Variants in EGFLAM observed in about 807,000 individuals in gnomAD.
EGFLAM encodes pikachurin.
EGFLAM carries 79 observed loss-of-function variants against 113.1 expected under a neutral mutation model. The observed-to-expected ratio is 0.70, with a 90% CI of 0.58 to 0.84. The LOEUF is 0.84. Among genes scored for constraint, EGFLAM ranks in the 40% least tolerant of loss-of-function variants. The pLI, the probability that EGFLAM is intolerant of heterozygous loss-of-function variation, is 0.00. For missense variants in EGFLAM, 1,265 were observed against 1,291.6 expected, an observed-to-expected ratio of 0.98 and a Z score of 0.32; for synonymous variants, 504 against 487.6, an observed-to-expected ratio of 1.03 and a Z score of -0.44.
rs577016790 is a variant in EGFLAM, at chr5:38,411,121, A to G, written c.1350-1383A>G. Among the ~76,000 whole-genome samples, 3 of 152,282 alleles carry G rather than the reference A, an allele frequency of 2.0e-5. No homozygotes were observed. In the South Asian group the frequency reaches 6.2e-4, roughly 32 times the overall value. On this transcript the variant is annotated intron_variant, in intron 10 of 21. Coordinates refer to ENST00000322350, the MANE Select transcript of EGFLAM (RefSeq NM_152403.4). ...AAATTGCTTCCGAGCAGAAGTGATC[A>G]TGTACTTCCAGTCAAAAGAAAATGG...
intron 1 of EGFLAM, chr5:38,285,864 C>T (rs1394862245): frequency 6.6e-6 from 1 of 152,128 alleles, no homozygotes; most frequent in African/African-American, 2.4e-5. Context: ...ATTGGGGCAC[C>T]TGCCCCCATG....
intron 1 of EGFLAM, among the ~76,000 whole-genome samples, chr5:38,330,656 A>C (rs1237058795): frequency 6.6e-6 from 1 of 152,232 alleles, no homozygotes; most frequent in African/African-American, 2.4e-5. Flanking sequence ...TTCCCCTGTT[A>C]GTGACCCAAG....
rs200502241 is a variant in EGFLAM at position 38,370,306 on chromosome 5, G to A, written c.556G>A (p.Asp186Asn). 1.4e-4 allele frequency: 226 copies of A among 1,613,052 alleles called. No individual in the cohort carries two copies. The highest frequency in any genetic ancestry group is 1.5e-4 in the Non-Finnish European group (172 of 1,179,294). ...TTCTAATCAATAAAGGCCAGATTTC[G>A]ACAAGAAGTGGACCTCAATCCATGA... Reference protein sequence around the residue: ...YSVEFIRPDFDKKWTSIHERI... With the variant: ...YSVEFIRPDFNKKWTSIHERI... The change falls in exon 6 of 22, where the codon GAC (aspartate) becomes AAC (asparagine). Residue 186 changes from aspartate to asparagine, a missense_variant. By Grantham distance (23) the Asp-to-Asn change is conservative. Transcript: ENST00000322350.
intron 6 of EGFLAM, among the ~76,000 whole-genome samples, chr5:38,372,052 T>C (rs1740236594): frequency 6.6e-6 from 1 of 151,966 alleles, no homozygotes; most frequent in South Asian, 2.1e-4. Context: ...AGAATAAAGA[T>C]GAGATATAAC....
In EGFLAM at chr5:38,370,371, T is replaced by C. The variant is rs1740172787; in HGVS notation, c.621T>C (p.Asp207=). 1.1e-5 allele frequency: 18 copies of C among 1,614,200 alleles called. No individual in the cohort carries two copies. Among genetic ancestry groups the C allele is most frequent in the Non-Finnish European group, 1.4e-5 (17 of 1,180,034 alleles). ...ACTCCATGGTTATCAAGGGCCTCGATCCAGATACCAACTACCAGTTTGCCG... is the reference window on the plus strand; with the variant it reads ...ACTCCATGGTTATCAAGGGCCTCGACCCAGATACCAACTACCAGTTTGCCG... ...QMDSMVIKGL[D]PDTNYQFAVR... is the part of the protein sequence containing the mutation. The change falls in exon 6 of 22, where the codon GAT becomes GAC. Residue 207 remains aspartate (D), a synonymous_variant. Transcript: ENST00000322350.
chr5:38,349,933 G>A (rs1299642401), intron 3 of EGFLAM, among the ~76,000 whole-genome samples: 1 of 146,592 alleles, frequency 6.8e-6, no homozygotes, highest in African/African-American at 2.6e-5. Flanking sequence ...CCTGCTCAGG[G>A]CCGTTTGTGC....
At chr5:38,342,503 A>G (rs1261095138) in intron 3 of EGFLAM, among the ~76,000 whole-genome samples, 1 of 152,210 alleles carries the variant, frequency 6.6e-6, no homozygotes, top group African/African-American at 2.4e-5. Context: ...ATCTGATTTA[A>G]CTGATAAAAT....
At chr5:38,402,804 G>T (rs1741158436) in intron 6 of EGFLAM, among the ~76,000 whole-genome samples, 1 of 152,164 alleles carries the variant, frequency 6.6e-6, no homozygotes, top group African/African-American at 2.4e-5. Flanking sequence ...GAAAAAAGGA[G>T]CTGTTTTAAT....
intron 1 of EGFLAM, among the ~76,000 whole-genome samples, chr5:38,304,170 G>A (rs957480096): frequency 1.3e-5 from 2 of 151,362 alleles, no homozygotes; most frequent in African/African-American, 4.9e-5. Flanking sequence ...TCTAAAGCTA[G>A]CATTAAGGAA....
chr5:38,372,714 A>G (rs998199518), intron 6 of EGFLAM, among the ~76,000 whole-genome samples: 1 of 152,226 alleles, frequency 6.6e-6, no homozygotes, highest in Non-Finnish European at 1.5e-5. Flanking sequence ...ACATTCTTAA[A>G]TAGACATAAT....
chr5:38,332,144 C>A (rs778774585), intron 1 of EGFLAM, among the ~76,000 whole-genome samples: 11 of 152,126 alleles, frequency 7.2e-5, no homozygotes, highest in Non-Finnish European at 1.3e-4. Context: ...GATGGTATCT[C>A]ATTGGTGTTA....
At chr5:38,361,843 A>G (rs1739931048) in intron 5 of EGFLAM, among the ~76,000 whole-genome samples, 1 of 152,090 alleles carries the variant, frequency 6.6e-6, no homozygotes, top group South Asian at 2.1e-4. Flanking sequence ...TGGCTACCTC[A>G]GAAGAGTTGC....
chr5:38,404,456 C>T (rs1451083190), intron 6 of EGFLAM, among the ~76,000 whole-genome samples: 1 of 152,122 alleles, frequency 6.6e-6, no homozygotes, highest in Non-Finnish European at 1.5e-5. Context: ...TCACAGCCTG[C>T]AGAACTGTGA....
At chr5:38,290,241 A>C (rs554395478) in intron 1 of EGFLAM, among the ~76,000 whole-genome samples, 2 of 152,308 alleles carry the variant, frequency 1.3e-5, no homozygotes, top group South Asian at 2.1e-4. Flanking sequence ...AGCGCTCCGC[A>C]CTGTGGGCTA....
At chr5:38,263,925 G>A (rs915985527) in intron 1 of EGFLAM, among the ~76,000 whole-genome samples, 3 of 152,144 alleles carry the variant, frequency 2.0e-5, no homozygotes, top group Non-Finnish European at 4.4e-5. Flanking sequence ...AGCTTGGAAG[G>A]CTTGCTGTAG....
At chr5:38,429,585 A>G (rs1413470862) in intron 14 of EGFLAM, among the ~76,000 whole-genome samples, 1 of 152,260 alleles carries the variant, frequency 6.6e-6, no homozygotes, top group East Asian at 1.9e-4. Flanking sequence ...TAAAACTTGC[A>G]TAAATATCAT....
intron 12 of EGFLAM, among the ~76,000 whole-genome samples, chr5:38,421,098 TTCTCCA>T (rs1416455806): frequency 1.2e-4 from 19 of 152,306 alleles, no homozygotes; most frequent in African/African-American, 4.3e-4. Flanking sequence ...GAGGTCATGG[TTCTCCA>T]TCTGATATCT....
rs1361291322 is a variant in EGFLAM, at chr5:38,438,270, T to A, written c.2284-5T>A. On this transcript the variant is annotated splice_polypyrimidine_tract_variant and splice_region_variant and intron_variant, in intron 16 of 21. Transcript: ENST00000322350. Reference sequence around the variant, plus strand: ...CTGAATTTCTTTATGTTTTTCTCTCTCAAGATCATCCTGAATGACCGAACC... The same window carrying A: ...CTGAATTTCTTTATGTTTTTCTCTCACAAGATCATCCTGAATGACCGAACC... 1.9e-6 allele frequency: 3 copies of A among 1,610,002 alleles called. No individual in the cohort carries two copies. In the East Asian group the frequency reaches 6.7e-5, roughly 36 times the overall value.
intron 1 of EGFLAM, among the ~76,000 whole-genome samples, chr5:38,310,732 G>A (rs966409237): frequency 1.3e-5 from 2 of 152,162 alleles, no homozygotes; most frequent in African/African-American, 4.8e-5. Flanking sequence ...CATAACACAA[G>A]GTGGCAGATG....
Sources: allele counts gnomAD v4.1 joint callset (sites outside exome capture counted in the v4.1 genomes callset), GRCh38; gene constraint gnomAD v4.1.1; transcripts MANE v1.5; gene names NCBI Gene and HGNC (gene_info 2026-07-23, HGNC 2026-07-21).